Variants in GABRA3 observed in about 807,000 individuals in gnomAD.
GABRA3 encodes gamma-aminobutyric acid receptor subunit alpha-3.
Under a neutral mutation model 30.1 loss-of-function variants are expected in GABRA3, and 10 were observed. The ratio of observed to expected loss-of-function variants is 0.33; its 90% CI spans 0.20 to 0.56. The LOEUF is 0.56. GABRA3 is among the 20% of genes least tolerant of loss of function. The pLI is 0.89. For synonymous variants in GABRA3, 151 were observed against 146.8 expected, an observed-to-expected ratio of 1.03 and a Z score of -0.21; for missense variants, 233 against 392.0, an observed-to-expected ratio of 0.59 and a Z score of 3.42.
At chrX:152,225,044 T>G (rs961165046) in intron 5 of GABRA3, among the ~76,000 whole-genome samples, 199 bp from the exon 6 acceptor site, 5 of 110,549 alleles carry the variant, frequency 4.5e-5, no homozygotes, top group African/African-American at 1.6e-4. Flanking sequence ...CTCATATTTT[T>G]GGATCATATC....
rs1248983453 is a variant in GABRA3 at position 152,363,130 on chromosome X, G to C, written c.140+1301C>G. On this transcript the variant is annotated intron_variant, in intron 2 of 9. Coordinates refer to ENST00000370314, the MANE Select transcript of GABRA3 (RefSeq NM_000808.4). ...TAGAAATGGATTACATCACTCAGGG[G>C]ATCTGTAGGGTAAGAAGTGTGCCTA... Among the ~76,000 whole-genome samples the C allele has an allele frequency of 2.7e-5, 3 of 111,323 alleles. No homozygotes were observed. The East Asian group carries it at 8.5e-4, about 32-fold the overall frequency.
intron 2 of GABRA3, among the ~76,000 whole-genome samples, chrX:152,361,197 C>A (rs1182476712): frequency 3.7e-5 from 4 of 109,568 alleles, no homozygotes; most frequent in Non-Finnish European, 5.7e-5. Flanking sequence ...GGTAGGATTT[C>A]TTGGCCTACT....
chrX:152,265,123 A>T (rs775105066), intron 4 of GABRA3, among the ~76,000 whole-genome samples: 1 of 111,565 alleles, frequency 9.0e-6, no homozygotes, highest in Non-Finnish European at 1.9e-5. Context: ...CATTGGACTT[A>T]ATCTGCAGTA....
chrX:152,364,685 AGAT>A, intron 1 of GABRA3, 89 bp from the exon 2 acceptor site: 1 of 678,939 alleles, frequency 1.5e-6, no homozygotes, highest in African/African-American at 2.2e-5. Flanking sequence ...AGAGAGAAAG[AGAT>A]GTTATTAAAC....
At position 152,420,734 on chromosome X, in the gene GABRA3, A is replaced by G. The variant is rs1415442540; in HGVS notation, c.-27+30412T>C. 2.7e-5 allele frequency among the ~76,000 whole-genome samples: 3 copies of G among 111,417 alleles called. No homozygotes were observed. In the East Asian group the frequency reaches 8.5e-4, roughly 31 times the overall value. On this transcript the variant is annotated intron_variant, in intron 1 of 9. Coordinates refer to ENST00000370314, the MANE Select transcript of GABRA3 (RefSeq NM_000808.4). ...TACTACCAGATTAATTAATTGGTTA[A>G]CTTTTGGATATCCACATAGAAATGA... is the stretch of plus-strand genomic sequence containing the variant.
At chrX:152,349,282 C>T (rs979240979) in intron 2 of GABRA3, among the ~76,000 whole-genome samples, 1 of 110,642 alleles carries the variant, frequency 9.0e-6, no homozygotes, top group African/African-American at 3.3e-5. Flanking sequence ...CAACTTTGGG[C>T]TCTAAAAGAG....
intron 4 of GABRA3, among the ~76,000 whole-genome samples, chrX:152,267,712 C>A (rs1001157755): frequency 9.0e-6 from 1 of 111,236 alleles, no homozygotes; most frequent in Admixed American, 9.6e-5. Flanking sequence ...GGGGTTTTCT[C>A]TTTCTTCATG....
intron 2 of GABRA3, among the ~76,000 whole-genome samples, chrX:152,359,355 A>G (rs1928414563): frequency 9.0e-6 from 1 of 110,722 alleles, no homozygotes; most frequent in Non-Finnish European, 1.9e-5. Context: ...AGAGATGTTC[A>G]TAGTAGTCTC....
chrX:152,342,449 T>A (rs1435927443), intron 3 of GABRA3, among the ~76,000 whole-genome samples: 1 of 111,769 alleles, frequency 8.9e-6, no homozygotes, highest in Non-Finnish European at 1.9e-5. Context: ...TGCACTGATT[T>A]CCATTTCATT....
chrX:152,405,917 T>G (rs1294085329), intron 1 of GABRA3, among the ~76,000 whole-genome samples: 6 of 110,041 alleles, frequency 5.5e-5, no homozygotes, highest in African/African-American at 2.0e-4. Flanking sequence ...GCCATGAGAG[T>G]GTTCACATGA....
intron 1 of GABRA3, among the ~76,000 whole-genome samples, chrX:152,416,196 A>G (rs931676389): frequency 1.0e-5 from 1 of 97,336 alleles, no homozygotes; most frequent in African/African-American, 3.8e-5. Context: ...AAATCAATGT[A>G]CAAAAATCAC....
intron 1 of GABRA3, among the ~76,000 whole-genome samples, chrX:152,444,758 G>GTTTTTT (rs1931030631): frequency 3.4e-5 from 2 of 59,116 alleles, no homozygotes; most frequent in Non-Finnish European, 3.0e-5. Context: ...GTTTTTTTTT[G>GTTTTTT]TTTGTTTGTT....
At chrX:152,429,520 G>T (rs1160813357) in intron 1 of GABRA3, among the ~76,000 whole-genome samples, 1 of 111,494 alleles carries the variant, frequency 9.0e-6, no homozygotes, top group African/African-American at 3.3e-5. Context: ...GGTCCTTTAA[G>T]ATCTAGCCAA....
At chrX:152,391,834 C>T (rs1385784938) in intron 1 of GABRA3, among the ~76,000 whole-genome samples, 1 of 111,675 alleles carries the variant, frequency 9.0e-6, no homozygotes, top group Non-Finnish European at 1.9e-5. Context: ...CACAACCAGA[C>T]ATTCTCAGAA....
intron 1 of GABRA3, among the ~76,000 whole-genome samples, chrX:152,445,454 G>A: frequency 9.0e-6 from 1 of 110,974 alleles, no homozygotes; most frequent in East Asian, 2.8e-4. Flanking sequence ...TTTACAATAC[G>A]GTCAGTTCTT....
At chrX:152,189,653 G>T (rs1348596095) in intron 9 of GABRA3, 77 bp downstream of exon 9, 16 of 717,769 alleles carry the variant, frequency 2.2e-5, no homozygotes, top group Non-Finnish European at 6.3e-6. Context: ...GTTCTTGCAG[G>T]CTATAGGCTG....
At chrX:152,307,488 CATTT>C (rs904379096) in intron 3 of GABRA3, among the ~76,000 whole-genome samples, 3 of 110,202 alleles carry the variant, frequency 2.7e-5, no homozygotes, top group Non-Finnish European at 5.7e-5. Flanking sequence ...AGGGGAGGGT[CATTT>C]ATTTAGTTTA....
chrX:152,168,507 C>A lies in GABRA3; in HGVS notation c.1200G>T (p.Gly400=). The change falls in exon 10 of 10, where the codon GGG becomes GGT. Residue 400 remains glycine (G), a synonymous_variant. Transcript: ENST00000370314. ...KKTSTTFNIV[G]TTYPINLAKD... ...TGGCCAGGTTGATGGGATAGGTGGT[C>A]CCCACGATGTTGAAGGTAGTGCTGG... is the stretch of plus-strand genomic sequence containing the variant. 8.3e-7 allele frequency: 1 copy of A among 1,210,933 alleles called. No homozygotes were observed. The highest frequency in any genetic ancestry group is 1.7e-5 in the African/African-American group (1 of 57,705).
At chrX:152,429,802 A>AT (rs1243945772) in intron 1 of GABRA3, among the ~76,000 whole-genome samples, 1 of 111,732 alleles carries the variant, frequency 8.9e-6, no homozygotes. Flanking sequence ...ACTTCCTTTG[A>AT]TACCAATGGG....
Sources: gnomAD v4.1 joint callset for allele counts (sites outside exome capture counted in the v4.1 genomes callset) on GRCh38, gnomAD v4.1.1 for gene constraint, MANE v1.5 for transcripts, NCBI Gene and HGNC (gene_info 2026-07-23, HGNC 2026-07-21) for gene names.